The following RTN4 variants were observed in gnomAD, a reference collection of about 807,000 sequenced individuals.
RTN4 encodes the protein reticulon-4.
In RTN4, 32 loss-of-function variants were observed where a neutral mutation model predicts 90.4. The observed-to-expected ratio is 0.35, with a 90% CI of 0.27 to 0.48. The LOEUF is 0.48. Among genes scored for constraint, RTN4 ranks in the 20% least tolerant of loss-of-function variants. The pLI is 0.99. For missense variants in RTN4, 1,706 were observed against 1,430.2 expected, an observed-to-expected ratio of 1.19 and a Z score of -3.11; for synonymous variants, 629 against 552.5, an observed-to-expected ratio of 1.14 and a Z score of -1.94.
chr2:55,100,345 T>C (rs908632614), intron 1 of RTN4, among the ~76,000 whole-genome samples: 1 of 152,146 alleles, frequency 6.6e-6, no homozygotes, highest in African/African-American at 2.4e-5. Flanking sequence ...GCCCTCCAGA[T>C]CCCTTTCTAA....
chr2:55,020,927 T>G (rs74326105), intron 3 of RTN4, among the ~76,000 whole-genome samples: 3,042 of 152,052 alleles, frequency 0.02, 32 homozygotes, highest in Middle Eastern at 0.075. Context: ...CCCTGGGAGG[T>G]TGAGGCTGCA....
chr2:55,046,697 T>G (rs972009633), intron 1 of RTN4: 3 of 152,230 alleles, frequency 2.0e-5, no homozygotes, highest in African/African-American at 7.2e-5. Context: ...TCCTGTCTCT[T>G]GGTAGGTAAT....
chr2:55,026,463 T>C lies in RTN4; in HGVS notation c.1636A>G (p.Met546Val), dbSNP rs771348749. The C allele has an allele frequency of 1.2e-6, 2 of 1,613,984 alleles. No homozygotes were observed. Among genetic ancestry groups the C allele is most frequent in the Non-Finnish European group, 8.5e-7 (1 of 1,179,908 alleles). ...TKVTEEVVAN[M>V]PEGLTPDLVQ... ...AAATCTGGAGTCAGGCCTTCAGGCA[T>C]GTTTGCCACGACTTCCTCAGTCACC... is the stretch of plus-strand genomic sequence containing the variant. The change falls in exon 3 of 9, where the codon ATG (methionine) becomes GTG (valine). Residue 546 changes from methionine to valine, a missense_variant. Transcript: ENST00000337526.
chr2:55,063,885 A>T (rs1033656161), intron 2 of RTN4, among the ~76,000 whole-genome samples: 1 of 151,830 alleles, frequency 6.6e-6, no homozygotes, highest in African/African-American at 2.4e-5. Flanking sequence ...CTCAAAAAAA[A>T]AAAAGTTACT....
chr2:54,972,986 C>A lies in RTN4; in HGVS notation c.*170G>T, dbSNP rs369797845. 459 of 536,924 alleles carry A rather than the reference C, an allele frequency of 8.5e-4. 2 individuals are homozygous for A. The highest frequency in any genetic ancestry group is 8.1e-3 in the African/African-American group (432 of 53,220). 33.3% of individuals were successfully genotyped at this position (536,924 alleles called of 1,614,324 possible). ...CTTAAGATGATGAACACATGGCAGTCAAGACAGGTAATTTTTCCTCACAAC... is the reference window on the plus strand; with the variant it reads ...CTTAAGATGATGAACACATGGCAGTAAAGACAGGTAATTTTTCCTCACAAC... On this transcript the variant is annotated 3_prime_UTR_variant, in exon 9 of 9. Coordinates refer to ENST00000337526, the MANE Select transcript of RTN4 (RefSeq NM_020532.5).
At chr2:55,094,662 T>A (rs1239609354) in intron 1 of RTN4, among the ~76,000 whole-genome samples, 1 of 152,118 alleles carries the variant, frequency 6.6e-6, no homozygotes, top group Non-Finnish European at 1.5e-5. Flanking sequence ...GATCAGGTCA[T>A]CAAAGGAGGC....
chr2:55,088,876 T>A (rs1417849422), intron 1 of RTN4, among the ~76,000 whole-genome samples: 1 of 152,186 alleles, frequency 6.6e-6, no homozygotes, highest in East Asian at 1.9e-4. Flanking sequence ...ACAGGGCAGT[T>A]TATTGGTCTC....
chr2:55,025,976 G>A lies in RTN4; in HGVS notation c.2123C>T (p.Ser708Phe), dbSNP rs1320485549. ...ACDLIKETKL[S>F]AEPAPDFSDY... is the part of the protein sequence containing the mutation. ...AGAGAAATCCGGAGCTGGTTCAGCA[G>A]AAAGCTTTGTTTCTTTAATTAAATC... Residue 708 changes from serine (S) to phenylalanine (F), a missense_variant, in exon 3 of 9, where the codon TCT (serine) becomes TTT (phenylalanine). Coordinates refer to ENST00000337526, the MANE Select transcript of RTN4 (RefSeq NM_020532.5). 1.9e-6 allele frequency: 3 copies of A among 1,612,748 alleles called. No homozygotes were observed. Among genetic ancestry groups the A allele is most frequent in the African/African-American group, 1.3e-5 (1 of 74,880 alleles).
At chr2:55,098,448 C>T (rs761499114) in intron 1 of RTN4, among the ~76,000 whole-genome samples, 6 of 152,196 alleles carry the variant, frequency 3.9e-5, no homozygotes, top group Non-Finnish European at 7.4e-5. Flanking sequence ...CACCCAACTT[C>T]AATAATTATC....
chr2:55,023,356 G>T (rs1681590641), intron 3 of RTN4, among the ~76,000 whole-genome samples: 2 of 152,120 alleles, frequency 1.3e-5, no homozygotes, highest in African/African-American at 4.8e-5. Flanking sequence ...CAGAGGTATT[G>T]CAGATCTCTT....
At chr2:55,022,910 C>CACACACACACAT (rs1407367260) in intron 3 of RTN4, among the ~76,000 whole-genome samples, 1 of 151,550 alleles carries the variant, frequency 6.6e-6, no homozygotes, top group East Asian at 1.9e-4. Flanking sequence ...CACACACACA[C>CACACACACACAT]ACACACACAC....
rs914093368 is a variant in RTN4, at chr2:55,049,807, G to A, written c.494C>T (p.Ala165Val). Residue 165 changes from alanine (A) to valine (V), a missense_variant, in exon 1 of 9, where the codon GCT (alanine) becomes GTT (valine). Coordinates refer to ENST00000337526, the MANE Select transcript of RTN4 (RefSeq NM_020532.5). ...CGGGGTGGAGGGGGGCGCGGCGGGA[G>A]CCGGGGCTGGCGGGGTCCACACGGG... is the stretch of plus-strand genomic sequence containing the variant. ...AEPVWTPPAP[A>V]PAAPPSTPAA... 8.5e-5 allele frequency: 111 copies of A among 1,304,234 alleles called. No homozygotes were observed. Among genetic ancestry groups the A allele is most frequent in the Admixed American group, 1.3e-4 (3 of 23,994 alleles). 80.8% of individuals were successfully genotyped at this position (1,304,234 alleles called of 1,614,324 possible).
intron 1 of RTN4, among the ~76,000 whole-genome samples, chr2:55,040,663 CT>C (rs2104937779): frequency 6.6e-6 from 1 of 152,244 alleles, no homozygotes; most frequent in South Asian, 2.1e-4. Context: ...CAAAACTCCT[CT>C]GGTTTTAAGA....
intron 3 of RTN4, 72 bp from the exon 4 acceptor site, chr2:54,987,770 CA>C: frequency 2.4e-6 from 3 of 1,275,126 alleles, no homozygotes; most frequent in Non-Finnish European, 3.3e-6. Context: ...TCTATGAAAA[CA>C]AAAACGCTAC....
chr2:55,004,860 A>G (rs139937912), intron 3 of RTN4, among the ~76,000 whole-genome samples: 167 of 152,016 alleles, frequency 1.1e-3, no homozygotes, highest in African/African-American at 3.7e-3. Flanking sequence ...CTTAGGGGGG[A>G]AAAAAAAGTA....
At chr2:55,116,866 CTTTTTTTCCTTTT>C (rs1668135182), upstream of RTN4, among the ~76,000 whole-genome samples, 1 of 119,870 alleles carries the variant, frequency 8.3e-6, no homozygotes, top group African/African-American at 3.1e-5. Flanking sequence ...CTTTTTCTTT[CTTTTTTTCCTTTT>C]TTTTTTTTTT....
chr2:55,105,704 C>T (rs551909731), intron 1 of RTN4, among the ~76,000 whole-genome samples: 1 of 152,022 alleles, frequency 6.6e-6, no homozygotes, highest in Non-Finnish European at 1.5e-5. Context: ...AGTGTGGTGG[C>T]TCATGCCTAA....
At chr2:55,055,184 T>C (rs189819962), upstream of RTN4, among the ~76,000 whole-genome samples, 7 of 151,946 alleles carry the variant, frequency 4.6e-5, no homozygotes, top group African/African-American at 7.2e-5. Flanking sequence ...GAAATTTATT[T>C]TGATCTAGCA....
chr2:55,097,442 C>T (rs1472272761), intron 1 of RTN4, among the ~76,000 whole-genome samples: 1 of 152,064 alleles, frequency 6.6e-6, no homozygotes, highest in African/African-American at 2.4e-5. Flanking sequence ...AACACTGGTA[C>T]TCTAAGAGAA....
Sources: allele counts gnomAD v4.1 joint callset (sites outside exome capture counted in the v4.1 genomes callset), GRCh38; gene constraint gnomAD v4.1.1; transcripts MANE v1.5; gene names NCBI Gene and HGNC (gene_info 2026-07-23, HGNC 2026-07-21).